The following ERBB4 variants were observed in gnomAD, a reference collection of about 807,000 sequenced individuals.
ERBB4 encodes receptor tyrosine-protein kinase erbB-4.
A neutral mutation model predicts 158.0 loss-of-function variants in ERBB4; 42 were observed. That is an observed-to-expected ratio of 0.27 (90% confidence interval 0.21 to 0.34). The LOEUF (loss-of-function observed/expected upper bound fraction) is 0.34, where lower values mean the gene tolerates loss of function less well. Among genes scored for constraint, ERBB4 ranks in the 10% least tolerant of loss-of-function variants. The pLI, the probability that ERBB4 is intolerant of heterozygous loss-of-function variation, is 1.00. For synonymous variants in ERBB4, 583 were observed against 558.7 expected, an observed-to-expected ratio of 1.04 and a Z score of -0.61; for missense variants, 1,333 against 1,624.1, an observed-to-expected ratio of 0.82 and a Z score of 3.08.
chr2:212,029,439 G>T (rs1249378167), intron 2 of ERBB4, among the ~76,000 whole-genome samples: 1 of 152,046 alleles, frequency 6.6e-6, no homozygotes, highest in African/African-American at 2.4e-5. Context: ...CAGAAGCTTT[G>T]AGTAACACCC....
intron 12 of ERBB4, among the ~76,000 whole-genome samples, chr2:211,698,897 A>G (rs1330188119): frequency 6.6e-6 from 1 of 152,232 alleles, no homozygotes; most frequent in African/African-American, 2.4e-5. Context: ...TGCCCAAAAT[A>G]TTCTAGCTTT....
At chr2:212,450,082 C>T (rs2092423024) in intron 1 of ERBB4, among the ~76,000 whole-genome samples, 1 of 152,140 alleles carries the variant, frequency 6.6e-6, no homozygotes, top group Admixed American at 6.6e-5. Flanking sequence ...GTGATGTTGA[C>T]ATGCTGGTGT....
At chr2:212,373,984 ATCCATATATATCCAT>A (rs1221852478) in intron 1 of ERBB4, among the ~76,000 whole-genome samples, 33 of 124,210 alleles carry the variant, frequency 2.7e-4, no homozygotes, top group Admixed American at 4.4e-4. Flanking sequence ...ATATATATAT[ATCCATATATATCCAT>A]ATATATATAT....
intron 19 of ERBB4, among the ~76,000 whole-genome samples, chr2:211,616,174 T>C (rs922305260): frequency 6.6e-6 from 1 of 151,634 alleles, no homozygotes; most frequent in African/African-American, 2.4e-5. Flanking sequence ...GTGTGGCTCT[T>C]TCCCAGCAGC....
intron 20 of ERBB4, among the ~76,000 whole-genome samples, chr2:211,467,552 T>C (rs1420936119): frequency 2.0e-5 from 3 of 152,154 alleles, no homozygotes; most frequent in Non-Finnish European, 4.4e-5. Flanking sequence ...GAAATAATCC[T>C]GTGTAAATAT....
chr2:212,327,728 CT>C (rs11413473), intron 1 of ERBB4, among the ~76,000 whole-genome samples: 4,837 of 133,296 alleles, frequency 0.036, 223 homozygotes, highest in African/African-American at 0.13. Flanking sequence ...TTCTTTTTTT[CT>C]TTTTTTTTTT....
intron 23 of ERBB4, among the ~76,000 whole-genome samples, chr2:211,423,620 C>T (rs756878218): frequency 1.3e-5 from 2 of 151,884 alleles, no homozygotes; most frequent in African/African-American, 4.8e-5. Flanking sequence ...AAAAAGTAAA[C>T]ATTTATAATC....
intron 1 of ERBB4, among the ~76,000 whole-genome samples, chr2:212,136,073 T>C (rs2080261836): frequency 1.3e-5 from 2 of 152,328 alleles, no homozygotes; most frequent in Middle Eastern, 3.4e-3. Flanking sequence ...ACCAGCCTGA[T>C]TGTGATGCCT....
chr2:211,468,508 A>C (rs1298870923), intron 20 of ERBB4, among the ~76,000 whole-genome samples: 1 of 152,118 alleles, frequency 6.6e-6, no homozygotes, highest in Non-Finnish European at 1.5e-5. Flanking sequence ...ACCTATATAA[A>C]AATCTGGACG....
rs796669258 is a variant in ERBB4 at position 211,580,879 on chromosome 2, A to T, written c.2302-18791T>A. Among the ~76,000 whole-genome samples the T allele has an allele frequency of 8.5e-4, 57 of 67,112 alleles. 8 individuals are homozygous for T. Among genetic ancestry groups the T allele is most frequent in the African/African-American group, 5.3e-3 (56 of 10,656 alleles). 44.0% of individuals were successfully genotyped at this position (67,112 alleles called of 152,430 possible). The stretch of plus-strand genomic sequence containing the variant: ...AGTATGCATATACATATATATATAT[A>T]TATATATATATATATATATATATAT... On this transcript the variant is annotated intron_variant, in intron 19 of 27. Transcript: ENST00000342788.
intron 4 of ERBB4, among the ~76,000 whole-genome samples, chr2:211,781,184 G>T (rs539486538): frequency 6.6e-6 from 1 of 152,064 alleles, no homozygotes; most frequent in Admixed American, 6.6e-5. Context: ...ACTCTATCTC[G>T]AGAATTCTAT....
At chr2:212,051,690 T>A (rs1330420590) in intron 2 of ERBB4, among the ~76,000 whole-genome samples, 1 of 152,172 alleles carries the variant, frequency 6.6e-6, no homozygotes, top group Non-Finnish European at 1.5e-5. Flanking sequence ...ATGTGGTCAC[T>A]TTCTCCTCAG....
At chr2:211,801,838 T>C (rs1212729693) in intron 3 of ERBB4, among the ~76,000 whole-genome samples, 2 of 152,222 alleles carry the variant, frequency 1.3e-5, no homozygotes, top group African/African-American at 4.8e-5. Flanking sequence ...AGGGCATGTG[T>C]TTATATAGTT....
intron 1 of ERBB4, among the ~76,000 whole-genome samples, chr2:212,510,750 C>T (rs917419588): frequency 1.3e-5 from 2 of 151,984 alleles, no homozygotes; most frequent in African/African-American, 4.8e-5. Context: ...CATCTGTTAA[C>T]ATGACATAAT....
rs2088410656 is a variant in ERBB4, at chr2:212,335,788, C to T, written c.82+202661G>A. 2.0e-5 allele frequency among the ~76,000 whole-genome samples: 3 copies of T among 152,036 alleles called. No homozygotes were observed. The South Asian group carries it at 6.2e-4, about 32-fold the overall frequency. On this transcript the variant is annotated intron_variant, in intron 1 of 27. Transcript: ENST00000342788. ...ACAAAGGCTATAGTGAGAGAGCAAG[C>T]GTATGGTGCTCCCTTTTGTTACCTA...
At chr2:212,127,065 G>A (rs576575634) in intron 1 of ERBB4, among the ~76,000 whole-genome samples, 1 of 152,280 alleles carries the variant, frequency 6.6e-6, no homozygotes, top group East Asian at 1.9e-4. Context: ...GCTAAATTGT[G>A]TGTCCTAAAA....
At position 211,803,161 on chromosome 2, in the gene ERBB4, G is replaced by A. The variant is rs572146832; in HGVS notation, c.422-15002C>T. Among the ~76,000 whole-genome samples, 26 of 152,240 alleles carry A rather than the reference G, an allele frequency of 1.7e-4. No individual in the cohort carries two copies. The South Asian group carries it at 5.4e-3, about 32-fold the overall frequency. Reference sequence around the variant, plus strand: ...AGGTGGCAAATGCCTATTAATAATAGTAAAATGTGTCATGCTAAATTTTGT... The same window carrying A: ...AGGTGGCAAATGCCTATTAATAATAATAAAATGTGTCATGCTAAATTTTGT... On this transcript the variant is annotated intron_variant, in intron 3 of 27. Coordinates refer to ENST00000342788, the MANE Select transcript of ERBB4 (RefSeq NM_005235.3).
At chr2:212,267,602 T>TTTTTTC (rs961297315) in intron 1 of ERBB4, among the ~76,000 whole-genome samples, 1 of 150,704 alleles carries the variant, frequency 6.6e-6, no homozygotes, top group East Asian at 1.9e-4. Context: ...CATTTCTTTT[T>TTTTTTC]TTTTTTTTTA....
chr2:212,421,441 TA>T (rs1443115711), intron 1 of ERBB4, among the ~76,000 whole-genome samples: 4 of 152,134 alleles, frequency 2.6e-5, no homozygotes, highest in Non-Finnish European at 5.9e-5. Flanking sequence ...TCAATTGACT[TA>T]ACACTTTTCT....
Sources: allele counts gnomAD v4.1 joint callset (sites outside exome capture counted in the v4.1 genomes callset), GRCh38; gene constraint gnomAD v4.1.1; transcripts MANE v1.5; gene names NCBI Gene and HGNC (gene_info 2026-07-23, HGNC 2026-07-21).